The following INTU variants were observed in gnomAD, a reference collection of about 807,000 sequenced individuals.
INTU encodes inturned planar cell polarity protein, also known as protein inturned.
Under a neutral mutation model 100.5 loss-of-function variants are expected in INTU, and 68 were observed. That is an observed-to-expected ratio of 0.68 (90% CI 0.56 to 0.83). The LOEUF (loss-of-function observed/expected upper bound fraction) is 0.83. Ranked by LOEUF, INTU falls within the 40% of genes least tolerant of loss-of-function variation. INTU has a pLI of 0.00. For synonymous variants in INTU, 357 were observed against 395.7 expected, an observed-to-expected ratio of 0.90 and a Z score of 1.16; for missense variants, 1,071 against 1,114.7, an observed-to-expected ratio of 0.96 and a Z score of 0.56.
At chr4:127,667,185 T>G (rs1381564548) in intron 4 of INTU, among the ~76,000 whole-genome samples, 4 of 152,172 alleles carry the variant, frequency 2.6e-5, no homozygotes, top group African/African-American at 9.6e-5. Flanking sequence ...TTGTCATCCT[T>G]GCCTTTCTTT....
chr4:127,715,976 G>C (rs1378806328), intron 15 of INTU, among the ~76,000 whole-genome samples: 1 of 152,012 alleles, frequency 6.6e-6, no homozygotes, highest in Non-Finnish European at 1.5e-5. Context: ...TTAAACATTA[G>C]AAAGTAAAGA....
rs1474656495 is a variant in INTU at position 127,674,194 on chromosome 4, A to T, written c.1162A>T (p.Ile388Phe). Residue 388 changes from isoleucine to phenylalanine, a missense_variant, in exon 6 of 16, where the codon ATT becomes TTT. Coordinates refer to ENST00000335251, the MANE Select transcript of INTU (RefSeq NM_015693.4). ...YWKESDKLLL[I>F]GLPAEEVPLP... is the part of the protein sequence containing the mutation. The stretch of plus-strand genomic sequence containing the variant: ...GAAAGAATCTGACAAGTTGTTGCTA[A>T]TTGGCCTGCCTGCTGAAGAGTAAGT... 1 of 1,611,806 alleles carries T rather than the reference A, an allele frequency of 6.2e-7. No homozygotes were observed. The highest frequency in any genetic ancestry group is 2.2e-5 in the East Asian group (1 of 44,814).
intron 11 of INTU, 72 bp downstream of exon 11, chr4:127,705,884 G>C (rs1730859885): frequency 8.7e-7 from 1 of 1,152,704 alleles, no homozygotes. Flanking sequence ...GGCAGGGGTT[G>C]AGGGATGCAG....
At chr4:127,644,371 A>G (rs1727476057) in intron 2 of INTU, among the ~76,000 whole-genome samples, 1 of 152,212 alleles carries the variant, frequency 6.6e-6, no homozygotes, top group Non-Finnish European at 1.5e-5. Flanking sequence ...AAAAACGTTG[A>G]TCATAGAGTG....
At chr4:127,679,032 CA>C (rs1394978615) in intron 6 of INTU, among the ~76,000 whole-genome samples, 14 of 151,994 alleles carry the variant, frequency 9.2e-5, no homozygotes, top group Non-Finnish European at 1.8e-4. Context: ...GTAAAGGGAT[CA>C]ATTCAACAAG....
rs1480199540 is a variant in INTU, at chr4:127,714,093, G to A, written c.2717G>A (p.Gly906Glu). ...APPVMAYWVVGRLFLHPKPQE... is the reference protein window; with the variant it reads ...APPVMAYWVVERLFLHPKPQE... ...CCAGTTATGGCTTACTGGGTAGTAG[G>A]GTAAGTGAGAAAAAAAAGTATTTGA... Residue 906 changes from glycine to glutamate, a missense_variant and splice_region_variant, in exon 15 of 16, where the codon GGG (glycine) becomes GAG (glutamate). Gly to Glu is a moderately conservative substitution (Grantham distance 98, BLOSUM62 -2). Transcript: ENST00000335251. 6.2e-7 allele frequency: 1 copy of A among 1,601,062 alleles called. No individual in the cohort carries two copies. Among genetic ancestry groups the A allele is most frequent in the African/African-American group, 1.4e-5 (1 of 73,990 alleles).
chr4:127,685,124 AT>A (rs1005942795), intron 7 of INTU, among the ~76,000 whole-genome samples: 2 of 152,210 alleles, frequency 1.3e-5, no homozygotes, highest in Admixed American at 6.5e-5. Flanking sequence ...TTTCTATACA[AT>A]AAAAATATAC....
At chr4:127,660,387 A>G (rs539040503) in intron 3 of INTU, among the ~76,000 whole-genome samples, 2 of 152,310 alleles carry the variant, frequency 1.3e-5, no homozygotes, top group East Asian at 3.9e-4. Context: ...TATTGAAATC[A>G]TCTGCCAGCT....
chr4:127,648,115 A>G (rs1324553101), intron 2 of INTU, among the ~76,000 whole-genome samples: 1 of 152,152 alleles, frequency 6.6e-6, no homozygotes. Context: ...TACCCAGGCC[A>G]TTTCTTATTT....
At chr4:127,704,396 TGTAG>T in intron 10 of INTU, 106 bp downstream of exon 10, 1 of 858,144 alleles carries the variant, frequency 1.2e-6, no homozygotes, top group Non-Finnish European at 1.9e-6. Flanking sequence ...TTCTTTCAAA[TGTAG>T]GTACCATAAG....
chr4:127,650,022 A>G (rs1175995746), intron 2 of INTU, among the ~76,000 whole-genome samples: 1 of 152,172 alleles, frequency 6.6e-6, no homozygotes, highest in Non-Finnish European at 1.5e-5. Flanking sequence ...AAACATACAC[A>G]TTTCTTTTAA....
At chr4:127,694,191 G>A (rs1294565749) in intron 8 of INTU, among the ~76,000 whole-genome samples, 1 of 151,896 alleles carries the variant, frequency 6.6e-6, no homozygotes, top group Non-Finnish European at 1.5e-5. Flanking sequence ...CTGTGAGTCT[G>A]TCTGGTCCTG....
intron 7 of INTU, chr4:127,686,097 G>T (rs1729811983): frequency 6.6e-6 from 1 of 152,088 alleles, no homozygotes; most frequent in South Asian, 2.1e-4. Flanking sequence ...AGGGCCAATT[G>T]TGAAAAATTA....
chr4:127,679,566 A>G (rs1173193799), intron 6 of INTU, among the ~76,000 whole-genome samples: 1 of 152,210 alleles, frequency 6.6e-6, no homozygotes, highest in Non-Finnish European at 1.5e-5. Flanking sequence ...GAGAACAAAG[A>G]CACAACATAC....
chr4:127,681,892 C>CA (rs1729577117), intron 6 of INTU, among the ~76,000 whole-genome samples: 2 of 151,882 alleles, frequency 1.3e-5, no homozygotes, highest in African/African-American at 4.8e-5. Context: ...ACAATGAACT[C>CA]AAACAAATCT....
chr4:127,682,623 T>C (rs1729629769), intron 6 of INTU, among the ~76,000 whole-genome samples: 1 of 148,146 alleles, frequency 6.8e-6, no homozygotes, highest in Non-Finnish European at 1.5e-5. Context: ...GAGGGATAGC[T>C]TTAGGAGGTA....
intron 4 of INTU, among the ~76,000 whole-genome samples, chr4:127,665,781 G>T (rs1163594525): frequency 1.3e-5 from 2 of 152,088 alleles, no homozygotes; most frequent in Non-Finnish European, 2.9e-5. Flanking sequence ...ACATTTTGGA[G>T]ACCTGACTTG....
chr4:127,642,841 A>C (rs935443730), intron 1 of INTU, among the ~76,000 whole-genome samples: 1 of 151,830 alleles, frequency 6.6e-6, no homozygotes, highest in Non-Finnish European at 1.5e-5. Context: ...GAATTATGTA[A>C]TATGTGCTTT....
At chr4:127,714,739 C>T (rs899704124) in intron 15 of INTU, among the ~76,000 whole-genome samples, 3 of 152,054 alleles carry the variant, frequency 2.0e-5, no homozygotes, top group Admixed American at 6.6e-5. Flanking sequence ...CTCCACCCCC[C>T]ACCCTCATTA....
Sources: gnomAD v4.1 joint callset for allele counts (sites outside exome capture counted in the v4.1 genomes callset) on GRCh38, gnomAD v4.1.1 for gene constraint, MANE v1.5 for transcripts, NCBI Gene and HGNC (gene_info 2026-07-23, HGNC 2026-07-21) for gene names.